C1QTNF1: variants seen among roughly 807,000 people sequenced by gnomAD.
C1QTNF1 encodes C1q and TNF related 1.
Under a neutral mutation model 27.8 loss-of-function variants are expected in C1QTNF1, and 22 were observed. The observed-to-expected ratio is 0.79, with a 90% confidence interval of 0.56 to 1.13. C1QTNF1 has a LOEUF of 1.13. C1QTNF1 is among the 50% of genes most tolerant of loss of function. The pLI, the probability that C1QTNF1 is intolerant of heterozygous loss-of-function variation, is 0.00. For synonymous variants in C1QTNF1, 166 were observed against 154.3 expected (o/e 1.08, Z -0.56); for missense variants, 373 against 380.2 (o/e 0.98, Z 0.16).
Position 79,046,970 on chromosome 17 carries a change from T to G in C1QTNF1, c.295+276T>G. ...GCTACTCGGGGTCTCGTCCCTCCAG[T>G]TGTATGTGGACGCCAGGCTTCTAGG... On this transcript the variant is annotated intron_variant, in intron 3 of 3. Transcript: ENST00000579760. This position sits in a 1 kb window ranked among gnomAD's most constrained non-coding sequence, Gnocchi z 4.8. 2.1e-6 allele frequency: 1 copy of G among 467,858 alleles called. No individual in the cohort carries two copies. Among genetic ancestry groups the G allele is most frequent in the Non-Finnish European group, 3.8e-6 (1 of 262,888 alleles). The allele number at this position is 467,858 out of a possible 1,614,324, so 29.0% of individuals were successfully genotyped here. A position where few individuals can be genotyped will look rare whatever the true frequency, so the allele number is the denominator to read the frequency against.
chr17:79,041,798 G>A (rs1423573181), intron 1 of C1QTNF1: 1 of 149,602 alleles, frequency 6.7e-6, no homozygotes, highest in Non-Finnish European at 1.5e-5. Context: ...GCCCGCTACA[G>A]ACATCCCCCG....
chr17:79,023,704 G>GCACACACA (rs5822269), upstream of C1QTNF1, among the ~76,000 whole-genome samples: 821 of 145,016 alleles, frequency 5.7e-3, 2 homozygotes, highest in East Asian at 0.019. Flanking sequence ...GCGCGCGCGC[G>GCACACACA]CACACACACA....
At chr17:79,027,694 C>T (rs35606503) in intron 1 of C1QTNF1, 20,345 of 152,320 alleles carry the variant, frequency 0.13, 1,720 homozygotes, top group East Asian at 0.26. Context: ...GGAGGGGCTT[C>T]GGAGCCATGT....
At chr17:79,042,184 C>G (rs372925555) in intron 1 of C1QTNF1, among the ~76,000 whole-genome samples, 1 of 152,198 alleles carries the variant, frequency 6.6e-6, no homozygotes, top group Non-Finnish European at 1.5e-5. Context: ...TAGAGTTGAC[C>G]ACAGTCGCTG....
intron 3 of C1QTNF1, chr17:79,047,322 A>T: frequency 2.4e-6 from 1 of 414,412 alleles, no homozygotes; most frequent in Non-Finnish European, 4.2e-6. Flanking sequence ...CTTGAGGTTG[A>T]GTCTGTTTGC....
At chr17:79,031,308 A>G (rs888648330) in intron 1 of C1QTNF1, among the ~76,000 whole-genome samples, 1 of 150,880 alleles carries the variant, frequency 6.6e-6, no homozygotes, top group Non-Finnish European at 1.5e-5. Context: ...CCCAGCCCAT[A>G]TTATTTCTTT....
chr17:79,044,245 G>A, intron 2 of C1QTNF1, 122 bp downstream of exon 2: 1 of 1,168,714 alleles, frequency 8.6e-7, no homozygotes, highest in Non-Finnish European at 1.2e-6. Context: ...CTGAAGCTGA[G>A]CCGTGGCCCT....
At chr17:79,043,695 T>G in intron 1 of C1QTNF1, 2 of 587,220 alleles carry the variant, frequency 3.4e-6, no homozygotes, top group Non-Finnish European at 6.4e-6. Context: ...AGTGTGTGCA[T>G]GTGTGGGGGT....
At chr17:79,025,903 CCAT>C (rs748650621) in intron 1 of C1QTNF1, 1,583 of 417,232 alleles carry the variant, frequency 3.8e-3, no homozygotes, top group South Asian at 5.8e-3. Flanking sequence ...ATCATCATCA[CCAT>C]CATCATCATC....
At chr17:79,045,498 G>A (rs1021793622) in intron 2 of C1QTNF1, among the ~76,000 whole-genome samples, 5 of 152,184 alleles carry the variant, frequency 3.3e-5, no homozygotes, top group African/African-American at 1.2e-4. Flanking sequence ...AGTGAGAGTC[G>A]AAATGGCAGG....
chr17:79,045,628 G>A lies in C1QTNF1; in HGVS notation c.156-927G>A, dbSNP rs188350362. Among the ~76,000 whole-genome samples, 450 of 152,240 alleles carry A rather than the reference G, an allele frequency of 3.0e-3. 3 individuals carry two copies. The highest frequency in any genetic ancestry group is 0.01 in the African/African-American group (418 of 41,524). On this transcript the variant is annotated intron_variant, in intron 2 of 3. Transcript: ENST00000579760. ...GGCGGAGGGAGTCGGGGGTGATGCC[G>A]AAGGCTCCACCCTGGGCACCCGCTG... is the stretch of plus-strand genomic sequence containing the variant.
intron 1 of C1QTNF1, among the ~76,000 whole-genome samples, chr17:79,037,127 TTG>T (rs138071191): frequency 0.023 from 3,530 of 152,098 alleles, 115 homozygotes; most frequent in African/African-American, 0.08. Context: ...AGCTATTTTT[TTG>T]TTTTTGTTTT....
In C1QTNF1 at chr17:79,048,387, G is replaced by C. The variant is rs905303606; in HGVS notation, c.*299G>C. ...GGCGAGACGCGGGTGGCGGCAGGGC[G>C]TCCCAGGGTGCGGCACCGCGGCTCC... On this transcript the variant is annotated 3_prime_UTR_variant, in exon 4 of 4. Transcript: ENST00000579760. 1 of 349,140 alleles carries C rather than the reference G, an allele frequency of 2.9e-6. No homozygotes were observed. The highest frequency in any genetic ancestry group is 2.1e-5 in the African/African-American group (1 of 47,978). The allele number at this position is 349,140 out of a possible 1,614,324, so 21.6% of individuals were successfully genotyped here. A position where few individuals can be genotyped will look rare whatever the true frequency, so the allele number is the denominator to read the frequency against.
At chr17:79,036,424 C>T (rs1276816023) in intron 1 of C1QTNF1, among the ~76,000 whole-genome samples, 1 of 152,214 alleles carries the variant, frequency 6.6e-6, no homozygotes, top group East Asian at 1.9e-4. Context: ...ATCCTCCCAC[C>T]TTGGCCTCCC....
rs372264586 is a variant in C1QTNF1 at position 79,029,690 on chromosome 17, A to G, written c.-15+5196A>G. The stretch of plus-strand genomic sequence containing the variant: ...TTCACGGCTGCAGGCCACCGGCCCT[A>G]CTCAGGCAGCCTCCTTCAACAGCAA... On this transcript the variant is annotated intron_variant, in intron 1 of 3. Coordinates refer to ENST00000579760, the MANE Select transcript of C1QTNF1 (RefSeq NM_030968.5). Among the ~76,000 whole-genome samples the G allele has an allele frequency of 6.6e-5, 10 of 152,282 alleles. No homozygotes were observed. The South Asian group carries it at 1.7e-3, about 25-fold the overall frequency.
rs78926318 is a variant in C1QTNF1, at chr17:79,026,587, C to T, written c.-15+2093C>T. Among the ~76,000 whole-genome samples, 4 of 152,350 alleles carry T rather than the reference C, an allele frequency of 2.6e-5. No individual in the cohort carries two copies. In the East Asian group the frequency reaches 7.7e-4, roughly 29 times the overall value. On this transcript the variant is annotated intron_variant, in intron 1 of 3. Transcript: ENST00000579760. ...CAGGGGCAGGAAGGACACAGGTCCG[C>T]TACCCAGGGACTCTCTACTTCTCCT...
intron 1 of C1QTNF1, among the ~76,000 whole-genome samples, chr17:79,028,061 G>A (rs2072021660): frequency 6.6e-6 from 1 of 152,244 alleles, no homozygotes; most frequent in Non-Finnish European, 1.5e-5. Flanking sequence ...GGCCGGGCCG[G>A]TGTCTGCCCA....
chr17:79,043,275 TGA>T (rs1046826472), intron 1 of C1QTNF1: 146 of 451,856 alleles, frequency 3.2e-4, no homozygotes, highest in African/African-American at 2.3e-3. Context: ...GCATGTGTGT[TGA>T]GAGTGTGCAT....
intron 1 of C1QTNF1, among the ~76,000 whole-genome samples, chr17:79,034,964 G>T (rs1442477656): frequency 1.3e-5 from 2 of 152,090 alleles, no homozygotes; most frequent in Non-Finnish European, 2.9e-5. Context: ...AGACCAGTGG[G>T]GGCAGTGCAG....
Sources: allele counts gnomAD v4.1 joint callset (sites outside exome capture counted in the v4.1 genomes callset), GRCh38; gene constraint gnomAD v4.1.1; non-coding constraint Gnocchi (gnomAD v3.1); transcripts MANE v1.5; gene names NCBI Gene and HGNC (gene_info 2026-07-23, HGNC 2026-07-21).